Variants in BMAL2 observed in about 807,000 individuals in gnomAD.
BMAL2 encodes basic helix-loop-helix ARNT like 2.
chr12:27,410,556 G>A, the BMAL2 span, among the ~76,000 whole-genome samples: 444 of 152,196 alleles, frequency 2.9e-3, 2 homozygotes, highest in African/African-American at 9.9e-3. Flanking sequence ...GAGAACACAT[G>A]GACACAGGAA....
chr12:27,385,612 G>C, the BMAL2 span: 10 of 1,229,980 alleles, frequency 8.1e-6, no homozygotes, highest in Non-Finnish European at 1.2e-5. Flanking sequence ...ATTGCTGTTT[G>C]AATAGGAGGC....
the BMAL2 span, among the ~76,000 whole-genome samples, chr12:27,336,151 CT>C: frequency 6.6e-6 from 1 of 152,166 alleles, no homozygotes; most frequent in Non-Finnish European, 1.5e-5. Flanking sequence ...TACTCGGGTG[CT>C]TGGGGTCTGG....
the BMAL2 span, among the ~76,000 whole-genome samples, chr12:27,420,019 G>GCGCGCGCGCGCACACACACACA: frequency 8.5e-4 from 126 of 147,568 alleles, no homozygotes; most frequent in Middle Eastern, 3.5e-3. Flanking sequence ...GTTTGCGCGT[G>GCGCGCGCGCGCACACACACACA]CACACACACA....
At chr12:27,392,656 C>T in the BMAL2 span, among the ~76,000 whole-genome samples, 5 of 118,532 alleles carry the variant, frequency 4.2e-5, no homozygotes, top group East Asian at 2.6e-4. Context: ...TGTAAATCAC[C>T]GAATCTACAC....
At chr12:27,405,224 CCTGT>C in the BMAL2 span, among the ~76,000 whole-genome samples, 5 of 152,164 alleles carry the variant, frequency 3.3e-5, no homozygotes, top group Admixed American at 3.3e-4. Context: ...CTTAAATGTC[CCTGT>C]CTGACAGCTT....
chr12:27,393,342 T>C, the BMAL2 span, among the ~76,000 whole-genome samples: 1 of 152,222 alleles, frequency 6.6e-6, no homozygotes, highest in East Asian at 1.9e-4. Flanking sequence ...TTAGCCTGCA[T>C]TGGAATCACC....
chr12:27,350,189 A>G, the BMAL2 span, among the ~76,000 whole-genome samples: 1 of 152,336 alleles, frequency 6.6e-6, no homozygotes, highest in South Asian at 2.1e-4. Flanking sequence ...CTTTGATGCC[A>G]CAGTTATTTC....
the BMAL2 span, among the ~76,000 whole-genome samples, chr12:27,373,324 C>G: frequency 6.6e-6 from 1 of 152,088 alleles, no homozygotes; most frequent in Non-Finnish European, 1.5e-5. Flanking sequence ...TTTTCATTCA[C>G]TTAGATTGAG....
At chr12:27,385,768 T>C in the BMAL2 span, among the ~76,000 whole-genome samples, 1 of 152,310 alleles carries the variant, frequency 6.6e-6, no homozygotes, top group Middle Eastern at 3.4e-3. Context: ...ATAGGCACTT[T>C]CCACACTATG....
chr12:27,377,235 G>A, the BMAL2 span, among the ~76,000 whole-genome samples: 4 of 152,230 alleles, frequency 2.6e-5, no homozygotes, highest in Non-Finnish European at 4.4e-5. Context: ...CTCTGATGAA[G>A]TATTAAGCAG....
the BMAL2 span, among the ~76,000 whole-genome samples, chr12:27,381,005 G>A: frequency 6.6e-6 from 1 of 151,876 alleles, no homozygotes; most frequent in South Asian, 2.1e-4. Context: ...CTGAAGTATA[G>A]TATTAATTAT....
At chr12:27,364,579 C>T in the BMAL2 span, among the ~76,000 whole-genome samples, 6 of 152,054 alleles carry the variant, frequency 3.9e-5, no homozygotes, top group African/African-American at 1.4e-4. Flanking sequence ...CTTTACAAGT[C>T]TTGATATCTG....
At chr12:27,401,584 C>A in the BMAL2 span, 1 of 1,610,622 alleles carries the variant, frequency 6.2e-7, no homozygotes. Context: ...AAAGATGGCT[C>A]TTTTGTAACT....
At chr12:27,392,006 G>A in the BMAL2 span, among the ~76,000 whole-genome samples, 1 of 152,184 alleles carries the variant, frequency 6.6e-6, no homozygotes, top group Non-Finnish European at 1.5e-5. Context: ...TGCTAGCTGT[G>A]TGATCGTAAG....
the BMAL2 span, among the ~76,000 whole-genome samples, chr12:27,364,565 G>A: frequency 6.6e-6 from 1 of 151,718 alleles, no homozygotes; most frequent in Admixed American, 6.6e-5. Flanking sequence ...CTTAATTACT[G>A]TGTCTTTACA....
At chr12:27,409,005 GA>G in the BMAL2 span, among the ~76,000 whole-genome samples, 1 of 152,144 alleles carries the variant, frequency 6.6e-6, no homozygotes, top group Non-Finnish European at 1.5e-5. Flanking sequence ...TTGCTTCAAA[GA>G]GAATAAAATA....
the BMAL2 span, among the ~76,000 whole-genome samples, chr12:27,416,687 G>A: frequency 6.6e-6 from 1 of 152,180 alleles, no homozygotes; most frequent in Non-Finnish European, 1.5e-5. Context: ...GCCAGGCATG[G>A]TGGCTTGTGC....
the BMAL2 span, among the ~76,000 whole-genome samples, chr12:27,369,301 G>C: frequency 6.6e-6 from 1 of 151,636 alleles, no homozygotes; most frequent in Non-Finnish European, 1.5e-5. Context: ...TTTTTTGGTG[G>C]GGGGGGTGGT....
chr12:27,411,488 C>T, the BMAL2 span, among the ~76,000 whole-genome samples: 1 of 151,816 alleles, frequency 6.6e-6, no homozygotes, highest in African/African-American at 2.4e-5. Context: ...CATAGTGGGG[C>T]ACAGCGGTAG....
Sources: gnomAD v4.1 joint callset for allele counts (sites outside exome capture counted in the v4.1 genomes callset) on GRCh38, gnomAD v4.1.1 for gene constraint, MANE v1.5 for transcripts, NCBI Gene and HGNC (gene_info 2026-07-23, HGNC 2026-07-21) for gene names.